The following FGF14 variants were observed in gnomAD, a reference collection of about 807,000 sequenced individuals.
FGF14 encodes the protein fibroblast growth factor homologous factor 4.
FGF14 carries 5 observed loss-of-function variants against 25.5 expected under a neutral mutation model. The ratio of observed to expected loss-of-function variants is 0.20; its 90% CI spans 0.10 to 0.41. FGF14 has a LOEUF of 0.41. Ranked by LOEUF, FGF14 falls within the 10% of genes least tolerant of loss-of-function variation. FGF14 has a pLI of 1.00. For missense variants in FGF14, 222 were observed against 320.1 expected, an observed-to-expected ratio of 0.69 and a Z score of 2.34; for synonymous variants, 138 against 118.3, an observed-to-expected ratio of 1.17 and a Z score of -1.08.
chr13:102,249,025 T>C (rs1333166399), intron 1 of FGF14, among the ~76,000 whole-genome samples: 2 of 152,062 alleles, frequency 1.3e-5, no homozygotes, highest in Non-Finnish European at 2.9e-5. Flanking sequence ...GAATTGAGTT[T>C]GAGATACATG....
chr13:101,813,325 A>G (rs953350098), intron 3 of FGF14, among the ~76,000 whole-genome samples: 3 of 152,130 alleles, frequency 2.0e-5, no homozygotes, highest in African/African-American at 7.2e-5. Context: ...GGGCTTTAGG[A>G]GGAGGTTACT....
intron 1 of FGF14, among the ~76,000 whole-genome samples, chr13:102,068,095 T>G (rs2042979269): frequency 6.6e-6 from 1 of 152,080 alleles, no homozygotes; most frequent in Non-Finnish European, 1.5e-5. Context: ...AATAAAGACT[T>G]TGCAGACAAA....
At chr13:101,826,740 T>C (rs1404430369) in intron 3 of FGF14, among the ~76,000 whole-genome samples, 1 of 152,064 alleles carries the variant, frequency 6.6e-6, no homozygotes, top group Non-Finnish European at 1.5e-5. Context: ...ACTCTAAATT[T>C]AGCTTACATT....
chr13:102,068,532 C>T (rs1303398343), intron 1 of FGF14, among the ~76,000 whole-genome samples: 5 of 152,190 alleles, frequency 3.3e-5, no homozygotes, highest in African/African-American at 9.6e-5. Flanking sequence ...GCTGGAGTTC[C>T]GGGTGGGCAT....
chr13:102,033,990 G>A (rs2041344914), intron 1 of FGF14, among the ~76,000 whole-genome samples: 1 of 152,066 alleles, frequency 6.6e-6, no homozygotes, highest in South Asian at 2.1e-4. Flanking sequence ...CTAGAAAAGT[G>A]AGGACCGCAC....
intron 1 of FGF14, among the ~76,000 whole-genome samples, chr13:102,352,242 T>TAC (rs56774921): frequency 0.039 from 5,412 of 137,272 alleles, 125 homozygotes; most frequent in Admixed American, 0.058. Flanking sequence ...TGTACCTTTA[T>TAC]ACACACACAC....
At chr13:102,143,422 A>G (rs531916785) in intron 1 of FGF14, among the ~76,000 whole-genome samples, 1 of 152,310 alleles carries the variant, frequency 6.6e-6, no homozygotes, top group East Asian at 1.9e-4. Flanking sequence ...GTACATATAA[A>G]ACTTCCTAAT....
At chr13:101,969,141 T>A (rs2037430914) in intron 1 of FGF14, among the ~76,000 whole-genome samples, 1 of 152,136 alleles carries the variant, frequency 6.6e-6, no homozygotes, top group Non-Finnish European at 1.5e-5. Context: ...TGTGAAGGGG[T>A]GGACTGCCTA....
rs576471923 is a variant in FGF14 at position 102,281,256 on chromosome 13, G to A, written c.208+120215C>T. ...GTATGCAGGCTCTGAGTAAGCTCAG[G>A]AGGTAGTAAGGGCTGTCCCTGAGCC... is the stretch of plus-strand genomic sequence containing the variant. On this transcript the variant is annotated intron_variant, in intron 1 of 4. Transcript: ENST00000376131. Among the ~76,000 whole-genome samples the A allele has an allele frequency of 8.5e-5, 13 of 152,306 alleles. No homozygotes were observed. In the South Asian group the frequency reaches 2.5e-3, roughly 29 times the overall value.
At position 102,035,338 on chromosome 13, in the gene FGF14, G is replaced by C. The variant is rs183856329; in HGVS notation, c.209-160042C>G. ...CAGCCATGTGTTTGGATGAAGATGAGTACAAAGAAGCCAGGTAGCTTTATT... is the reference window on the plus strand; with the variant it reads ...CAGCCATGTGTTTGGATGAAGATGACTACAAAGAAGCCAGGTAGCTTTATT... On this transcript the variant is annotated intron_variant, in intron 1 of 4. Coordinates refer to the FGF14 transcript ENST00000376131. Among the ~76,000 whole-genome samples, 408 of 152,208 alleles carry C rather than the reference G, an allele frequency of 2.7e-3. 4 individuals carry two copies. Among genetic ancestry groups the C allele is most frequent in the African/African-American group, 9.2e-3 (384 of 41,534 alleles).
chr13:102,241,979 C>G (rs1353950544), intron 1 of FGF14, among the ~76,000 whole-genome samples: 2 of 152,020 alleles, frequency 1.3e-5, no homozygotes, highest in Non-Finnish European at 2.9e-5. Flanking sequence ...GGCTTTAAGA[C>G]CCCAAAATGA....
intron 1 of FGF14, among the ~76,000 whole-genome samples, chr13:102,389,271 T>C (rs1319242449): frequency 6.6e-6 from 1 of 152,226 alleles, no homozygotes; most frequent in Non-Finnish European, 1.5e-5. Context: ...AATGTTAACA[T>C]ATCACATATT....
At chr13:101,860,024 C>T (rs1487001744) in intron 3 of FGF14, among the ~76,000 whole-genome samples, 1 of 151,948 alleles carries the variant, frequency 6.6e-6, no homozygotes, top group Non-Finnish European at 1.5e-5. Context: ...CAACCTGCTC[C>T]AATAGGATGC....
intron 1 of FGF14, among the ~76,000 whole-genome samples, chr13:102,153,006 AG>A (rs1432945441): frequency 6.6e-6 from 1 of 152,182 alleles, no homozygotes; most frequent in Non-Finnish European, 1.5e-5. Flanking sequence ...GGCTGTGCAC[AG>A]CTTGGGTGGA....
chr13:102,318,022 G>A (rs1259610371), intron 1 of FGF14, among the ~76,000 whole-genome samples: 1 of 152,152 alleles, frequency 6.6e-6, no homozygotes, highest in African/African-American at 2.4e-5. Flanking sequence ...TGTTTGCTTA[G>A]ACTAGGGTTT....
At chr13:102,355,857 C>A (rs2057405558) in intron 1 of FGF14, among the ~76,000 whole-genome samples, 4 of 151,986 alleles carry the variant, frequency 2.6e-5, no homozygotes, top group Admixed American at 2.6e-4. Context: ...ATAAATTCAA[C>A]AAAATAATGC....
chr13:101,909,105 G>T (rs559013888), intron 1 of FGF14, among the ~76,000 whole-genome samples: 1 of 152,164 alleles, frequency 6.6e-6, no homozygotes. Context: ...ATGGATTAAA[G>T]ACTTAAACTT....
intron 3 of FGF14, among the ~76,000 whole-genome samples, chr13:101,792,556 G>A (rs1172494872): frequency 6.6e-6 from 1 of 152,090 alleles, no homozygotes; most frequent in African/African-American, 2.4e-5. Flanking sequence ...ATAGAAAAGG[G>A]TTATTGATTT....
chr13:101,847,358 C>T (rs1273773541), intron 3 of FGF14, among the ~76,000 whole-genome samples: 1 of 152,046 alleles, frequency 6.6e-6, no homozygotes, highest in Non-Finnish European at 1.5e-5. Flanking sequence ...TGTGTCAACT[C>T]TGTCTGCCTC....
Sources: gnomAD v4.1 joint callset for allele counts (sites outside exome capture counted in the v4.1 genomes callset) on GRCh38, gnomAD v4.1.1 for gene constraint, MANE v1.5 for transcripts, NCBI Gene and HGNC (gene_info 2026-07-23, HGNC 2026-07-21) for gene names.